DENND3: variants seen among roughly 807,000 people sequenced by gnomAD.
The protein encoded by DENND3 is DENN domain-containing protein 3.
In DENND3, 88 loss-of-function variants were observed where a neutral mutation model predicts 135.1. The observed-to-expected ratio is 0.65, with a 90% CI of 0.55 to 0.78. The LOEUF is 0.78. Among genes scored for constraint, DENND3 ranks in the 30% least tolerant of loss-of-function variants. The probability of loss-of-function intolerance (pLI) is 0.00; values close to 1 mark genes in which losing one functional copy is unlikely to be tolerated. For missense variants in DENND3, 1,392 were observed against 1,688.4 expected (o/e 0.82, Z 3.08); for synonymous variants, 693 against 712.3 (o/e 0.97, Z 0.43).
At chr8:141,159,120 G>C (rs1226028359) in intron 8 of DENND3, among the ~76,000 whole-genome samples, 1 of 152,222 alleles carries the variant, frequency 6.6e-6, no homozygotes, top group Non-Finnish European at 1.5e-5. Context: ...AGCCAGGGCT[G>C]GGCTGGCCCC....
chr8:141,140,577 C>T (rs1322161692), intron 3 of DENND3, among the ~76,000 whole-genome samples: 3 of 152,212 alleles, frequency 2.0e-5, no homozygotes, highest in African/African-American at 4.8e-5. Context: ...GTTAGATAGA[C>T]AAATGATGTA....
At chr8:141,156,002 GA>G (rs1418395103) in intron 8 of DENND3, 32 bp downstream of exon 8, 1 of 1,574,186 alleles carries the variant, frequency 6.4e-7, no homozygotes, top group Admixed American at 1.8e-5. Flanking sequence ...ATGAATTTCA[GA>G]CCGTCTTTGT....
chr8:141,147,029 G>A (rs10089156), intron 5 of DENND3, among the ~76,000 whole-genome samples: 2,462 of 152,266 alleles, frequency 0.016, 66 homozygotes, highest in African/African-American at 0.056. Context: ...CGCTGCTCCG[G>A]GTCTCCTGGC....
At chr8:141,193,885 C>A in intron 22 of DENND3, 148 bp from the exon 23 acceptor site, 1 of 832,170 alleles carries the variant, frequency 1.2e-6, no homozygotes. Context: ...ACCTGCCAGG[C>A]GGCCCTGACC....
At chr8:141,187,542 T>A (rs1484490918) in intron 18 of DENND3, among the ~76,000 whole-genome samples, 1 of 152,182 alleles carries the variant, frequency 6.6e-6, no homozygotes, top group East Asian at 1.9e-4. Flanking sequence ...TCAGTTTTGA[T>A]GGCTGTGTTC....
In DENND3 at chr8:141,168,305, C is replaced by T. The variant is rs139726064; in HGVS notation, c.2055C>T (p.Ala685=). 1 of 1,614,002 alleles carries T rather than the reference C, an allele frequency of 6.2e-7. No individual in the cohort carries two copies. Among genetic ancestry groups the T allele is most frequent in the Non-Finnish European group, 8.5e-7 (1 of 1,179,994 alleles). Residue 685 remains alanine (A), a synonymous_variant, in exon 13 of 23, where the codon GCC becomes GCT. Coordinates refer to ENST00000519811, the MANE Select transcript of DENND3 (RefSeq NM_001352890.3). This position sits in a 1 kb window ranked among gnomAD's most constrained non-coding sequence, Gnocchi z 6.2. ...AGAGGACGGTGGAATCCATGTCTGC[C>T]CCTGAGTGGGAGGGGGCTGAGCAGG... ...LVKRTVESMS[A]PEWEGAEQAP...
rs1359135441 is a variant in DENND3 at position 141,130,114 on chromosome 8, T to C, written c.102+1305T>C. On this transcript the variant is annotated intron_variant, in intron 1 of 22. Transcript: ENST00000519811. This position sits in a 1 kb window ranked among gnomAD's most constrained non-coding sequence, Gnocchi z 4.2. ...GGTCTCCTCAGCCGTTGAACGTCTT[T>C]CCTCTGGGGCAGTTACAACATGGGT... Among the ~76,000 whole-genome samples the C allele has an allele frequency of 6.6e-6, 1 of 152,206 alleles. No individual in the cohort carries two copies. The highest frequency in any genetic ancestry group is 1.5e-5 in the Non-Finnish European group (1 of 68,038).
rs1234143607 is a variant in DENND3, at chr8:141,137,545, C to A, written c.386-477C>A. Among the ~76,000 whole-genome samples the A allele has an allele frequency of 1.3e-5, 2 of 152,230 alleles. No homozygotes were observed. The highest frequency in any genetic ancestry group is 2.9e-5 in the Non-Finnish European group (2 of 68,048). Reference sequence around the variant, plus strand: ...CTTCCACCTCCCGTTTTCCGTTTCACTGGGGCAAGAAGCACAGGCCTGCAC... The same window carrying A: ...CTTCCACCTCCCGTTTTCCGTTTCAATGGGGCAAGAAGCACAGGCCTGCAC... On this transcript the variant is annotated intron_variant, in intron 2 of 22. Transcript: ENST00000519811. This position sits in a 1 kb window ranked among gnomAD's most constrained non-coding sequence, Gnocchi z 4.1.
At chr8:141,165,661 G>A (rs768187220) in intron 11 of DENND3, among the ~76,000 whole-genome samples, 61 of 152,012 alleles carry the variant, frequency 4.0e-4, no homozygotes, top group Non-Finnish European at 7.4e-4. Flanking sequence ...ATGGGGTTTC[G>A]CCATGTTGGC....
intron 13 of DENND3, among the ~76,000 whole-genome samples, chr8:141,172,179 GGT>G (rs1282262536): frequency 6.7e-6 from 1 of 149,574 alleles, no homozygotes; most frequent in Non-Finnish European, 1.5e-5. Context: ...GCACAGTGTG[GGT>G]GTACACTGTG....
At chr8:141,150,776 A>T (rs1020611293) in intron 5 of DENND3, 58 bp from the exon 6 acceptor site, 59 of 1,514,294 alleles carry the variant, frequency 3.9e-5, no homozygotes, top group Non-Finnish European at 4.7e-5. Context: ...ACAGTAGTGC[A>T]CGTCAGCCTC....
At position 141,136,414 on chromosome 8, in the gene DENND3, G is replaced by T. The variant is rs939326220; in HGVS notation, c.103-95G>T. 2.1e-5 allele frequency: 27 copies of T among 1,299,244 alleles called. No individual in the cohort carries two copies. The Admixed American group carries it at 4.5e-4, about 22-fold the overall frequency. 80.5% of individuals were successfully genotyped at this position (1,299,244 alleles called of 1,614,324 possible). On this transcript the variant is annotated intron_variant, in intron 1 of 22. Coordinates refer to ENST00000519811, the MANE Select transcript of DENND3 (RefSeq NM_001352890.3). The stretch of plus-strand genomic sequence containing the variant: ...GCGCCAGTGTTTATGGGCACCGAGG[G>T]GAGGAGAAAAACAAGCAGTGAAGCT...
intron 13 of DENND3, among the ~76,000 whole-genome samples, chr8:141,170,656 C>T (rs896406958): frequency 5.9e-5 from 9 of 152,200 alleles, no homozygotes; most frequent in Non-Finnish European, 1.0e-4. Flanking sequence ...CCAGGCAGGG[C>T]GGGGTGGGCC....
chr8:141,159,178 C>T (rs1819818541), intron 8 of DENND3, among the ~76,000 whole-genome samples: 1 of 152,234 alleles, frequency 6.6e-6, no homozygotes, highest in Admixed American at 6.5e-5. Context: ...GGTCCTGGCC[C>T]TGGCACCGCG....
Position 141,190,431 on chromosome 8 carries a change from C to G in DENND3, c.3379+14C>G. On this transcript the variant is annotated intron_variant, in intron 20 of 22. Transcript: ENST00000519811. ...GCCTGTGGTGCTGTAAGTCCGGCCC[C>G]TGCCATCAGAGCGGGCACCCTACCT... 1 of 1,600,526 alleles carries G rather than the reference C, an allele frequency of 6.2e-7. No homozygotes were observed. The highest frequency in any genetic ancestry group is 8.5e-7 in the Non-Finnish European group (1 of 1,174,286).
In DENND3 at chr8:141,155,976, G is replaced by A. The variant is rs769720895; in HGVS notation, c.1196+6G>A. 32 of 1,597,212 alleles carry A rather than the reference G, an allele frequency of 2.0e-5. No homozygotes were observed. The Admixed American group carries it at 3.3e-4, about 16-fold the overall frequency. ...GCCCAGACGTTTATTCAGAGGTAAC[G>A]GGAAACATTAATGGTATGAATTTCA... On this transcript the variant is annotated splice_donor_region_variant and intron_variant, in intron 8 of 22. Transcript: ENST00000519811.
rs775938238 is a variant in DENND3 at position 141,194,395 on chromosome 8, C to T, written c.*162C>T. On this transcript the variant is annotated 3_prime_UTR_variant, in exon 23 of 23. Coordinates refer to ENST00000519811, the MANE Select transcript of DENND3 (RefSeq NM_001352890.3). ...TGGCCAGCCGCGAGACCCATGGCCACGCACCTTCTCTCAGGCCTTCGGGCC... is the reference window on the plus strand; with the variant it reads ...TGGCCAGCCGCGAGACCCATGGCCATGCACCTTCTCTCAGGCCTTCGGGCC... The T allele has an allele frequency of 2.3e-5, 18 of 781,074 alleles. No individual in the cohort carries two copies. Among genetic ancestry groups the T allele is most frequent in the Middle Eastern group, 3.7e-4 (1 of 2,674 alleles). The allele number at this position is 781,074 out of a possible 1,614,324, so 48.4% of individuals were successfully genotyped here.
rs557352380 is a variant in DENND3 at position 141,147,937 on chromosome 8, G to C, written c.736-2897G>C. Among the ~76,000 whole-genome samples the C allele has an allele frequency of 3.3e-5, 5 of 152,336 alleles. No individual in the cohort carries two copies. In the East Asian group the frequency reaches 9.6e-4, roughly 29 times the overall value. ...GAGTGACTCAGTCTGTATCGGGCTT[G>C]ACTCAGTGCAGCTCTCCCATACCAA... is the stretch of plus-strand genomic sequence containing the variant. On this transcript the variant is annotated intron_variant, in intron 5 of 22. Transcript: ENST00000519811.
intron 13 of DENND3, among the ~76,000 whole-genome samples, chr8:141,173,269 A>C (rs1283976609): frequency 6.6e-6 from 1 of 152,240 alleles, no homozygotes; most frequent in Non-Finnish European, 1.5e-5. Context: ...CAATTGCACT[A>C]GGCCTACAGA....
Sources: allele counts gnomAD v4.1 joint callset (sites outside exome capture counted in the v4.1 genomes callset), GRCh38; gene constraint gnomAD v4.1.1; non-coding constraint Gnocchi (gnomAD v3.1); transcripts MANE v1.5; gene names NCBI Gene and HGNC (gene_info 2026-07-23, HGNC 2026-07-21).